Variants in ZNF98 observed in about 807,000 individuals in gnomAD.
ZNF98 encodes zinc finger protein 739.
ZNF98 carries 8 observed loss-of-function variants against 12.8 expected under a neutral mutation model. The ratio of observed to expected loss-of-function variants is 0.63; its 90% CI spans 0.37 to 1.13. The LOEUF (loss-of-function observed/expected upper bound fraction) is 1.13. ZNF98 is among the 50% of genes most tolerant of loss of function. The pLI, the probability that ZNF98 is intolerant of heterozygous loss-of-function variation, is 0.01. For synonymous variants in ZNF98, 112 were observed against 223.5 expected (o/e 0.50, Z 4.45); for missense variants, 379 against 666.1 (o/e 0.57, Z 4.74).
intron 1 of ZNF98, among the ~76,000 whole-genome samples, chr19:22,407,176 C>A (rs1969529031): frequency 6.6e-6 from 1 of 151,766 alleles, no homozygotes; most frequent in South Asian, 2.1e-4. Context: ...GCTGTCTCAG[C>A]CTCTGGAGTA....
At chr19:22,397,131 C>A (rs200328712) in intron 3 of ZNF98, among the ~76,000 whole-genome samples, 2 of 148,718 alleles carry the variant, frequency 1.3e-5, no homozygotes, top group South Asian at 2.1e-4. Context: ...AAAAAAACAA[C>A]AAAAAAAAAC....
chr19:22,421,800 A>G (rs1185227427), intron 1 of ZNF98, among the ~76,000 whole-genome samples: 1 of 152,190 alleles, frequency 6.6e-6, no homozygotes, highest in Non-Finnish European at 1.5e-5. Context: ...AATAGGCGAA[A>G]AGAGGAACTA....
intron 1 of ZNF98, among the ~76,000 whole-genome samples, chr19:22,405,557 C>T (rs1969510224): frequency 6.6e-6 from 1 of 152,122 alleles, no homozygotes; most frequent in South Asian, 2.1e-4. Context: ...GCCGACAAAA[C>T]CATGCTTTTT....
chr19:22,407,577 T>TCA (rs1270015531), intron 1 of ZNF98, among the ~76,000 whole-genome samples: 8 of 151,332 alleles, frequency 5.3e-5, no homozygotes, highest in African/African-American at 1.9e-4. Flanking sequence ...CTGGGTGTGG[T>TCA]GGCTCACGCC....
chr19:22,397,209 T>TGTGTG (rs3084809), intron 3 of ZNF98, among the ~76,000 whole-genome samples: 10 of 133,492 alleles, frequency 7.5e-5, no homozygotes, highest in East Asian at 2.4e-4. Flanking sequence ...TGTGTGTGTG[T>TGTGTG]TTTTGTGTGT....
chr19:22,417,229 C>CAAA lies in ZNF98; in HGVS notation c.30+4963_30+4965dup, dbSNP rs57152900. Among the ~76,000 whole-genome samples the CAAA allele has an allele frequency of 9.9e-4, 45 of 45,454 alleles. 2 individuals carry two copies. The highest frequency in any genetic ancestry group is 4.5e-3 in the African/African-American group (42 of 9,424). The allele number at this position is 45,454 out of a possible 152,430, so 29.8% of individuals were successfully genotyped here. A position where few individuals can be genotyped will look rare whatever the true frequency, so the allele number is the denominator to read the frequency against. Reference sequence around the variant, plus strand: ...GGGCAATAAGAGCAAAACTCCATCTCAAAAAAAAAAAAAAAAAAAAAAAAA... The same window carrying CAAA: ...GGGCAATAAGAGCAAAACTCCATCTCAAAAAAAAAAAAAAAAAAAAAAAAAAAA... On this transcript the variant is annotated intron_variant, in intron 1 of 3. Coordinates refer to ENST00000357774, the MANE Select transcript of ZNF98 (RefSeq NM_001098626.2).
intron 1 of ZNF98, among the ~76,000 whole-genome samples, chr19:22,413,600 G>T (rs1449055309): frequency 2.6e-5 from 4 of 152,234 alleles, no homozygotes; most frequent in African/African-American, 7.2e-5. Flanking sequence ...GCCAGGTGCG[G>T]TGGCTCACAC....
chr19:22,411,708 T>A (rs1969582691), intron 1 of ZNF98, among the ~76,000 whole-genome samples: 1 of 152,220 alleles, frequency 6.6e-6, no homozygotes, highest in Admixed American at 6.5e-5. Flanking sequence ...TCTAAATGCG[T>A]TAATAAAACA....
Position 22,391,251 on chromosome 19 carries a change from A to C in ZNF98, c.*265T>G. 1.7e-6 allele frequency: 1 copy of C among 575,390 alleles called. No individual in the cohort carries two copies. Among genetic ancestry groups the C allele is most frequent in the South Asian group, 3.0e-5 (1 of 33,328 alleles). 35.6% of individuals were successfully genotyped at this position (575,390 alleles called of 1,614,324 possible). A position where few individuals can be genotyped will look rare whatever the true frequency, so the allele number is the denominator to read the frequency against. Reference sequence around the variant, plus strand: ...TGCTTATATTTTCTGAACTCTTTTGACAGTAATTGCACCTTTAATGCTATT... The same window carrying C: ...TGCTTATATTTTCTGAACTCTTTTGCCAGTAATTGCACCTTTAATGCTATT... On this transcript the variant is annotated 3_prime_UTR_variant, in exon 4 of 4. Coordinates refer to ENST00000357774, the MANE Select transcript of ZNF98 (RefSeq NM_001098626.2).
intron 1 of ZNF98, among the ~76,000 whole-genome samples, chr19:22,416,315 A>G (rs1011799095): frequency 6.6e-6 from 1 of 151,618 alleles, no homozygotes; most frequent in African/African-American, 2.4e-5. Flanking sequence ...CGAAAAATAC[A>G]AAAAATTAGC....
At chr19:22,407,342 C>A (rs1364695533) in intron 1 of ZNF98, among the ~76,000 whole-genome samples, 2 of 149,124 alleles carry the variant, frequency 1.3e-5, no homozygotes, top group African/African-American at 4.9e-5. Context: ...CAGGCGTGAG[C>A]CACTGTGCCC....
chr19:22,393,032 T>G (rs1335456325), intron 3 of ZNF98, 51 bp from the exon 4 acceptor site: 41 of 1,421,556 alleles, frequency 2.9e-5, no homozygotes, highest in Non-Finnish European at 3.7e-5. Context: ...CTCAGATGAA[T>G]GTACTTTACA....
chr19:22,400,377 CATCCTAAT>C (rs1212283352), intron 3 of ZNF98, among the ~76,000 whole-genome samples: 1 of 152,172 alleles, frequency 6.6e-6, no homozygotes, highest in Non-Finnish European at 1.5e-5. Flanking sequence ...AACTCATCTA[CATCCTAAT>C]ATAAAGCCTA....
chr19:22,415,997 A>ACACACACT (rs1969638249), intron 1 of ZNF98, among the ~76,000 whole-genome samples: 1 of 145,958 alleles, frequency 6.9e-6, no homozygotes, highest in South Asian at 2.2e-4. Context: ...ACACACACTT[A>ACACACACT]GCTGGGCGTG....
chr19:22,391,792 C>A lies in ZNF98; in HGVS notation c.1443G>T (p.Lys481Asn), dbSNP rs763301832. 6.2e-7 allele frequency: 1 copy of A among 1,601,556 alleles called. No individual in the cohort carries two copies. Among genetic ancestry groups the A allele is most frequent in the Non-Finnish European group, 8.5e-7 (1 of 1,173,912 alleles). The change falls in exon 4 of 4, where the codon AAG (lysine) becomes AAT (asparagine). Residue 481 changes from lysine (K) to asparagine (N), a missense_variant. Physicochemically the swap from Lys to Asn is moderately conservative, Grantham distance 94. Around this residue, in one of 8 missense-constraint regions of ZNF98, gnomAD observed 15 missense variants for 28.7 expected, o/e 0.52. Transcript: ENST00000357774. ...FNQSSTLSKH[K>N]VIHTGEKPYK... ...AGGGCTTCTCTCCAGTATGAATTAC[C>A]TTATGTTTAGAAAGAGTTGAGGACT...
At chr19:22,397,431 C>A (rs567287595) in intron 3 of ZNF98, among the ~76,000 whole-genome samples, 1 of 152,122 alleles carries the variant, frequency 6.6e-6, no homozygotes, top group African/African-American at 2.4e-5. Context: ...ATAGAAAACA[C>A]CCCTCAACAC....
intron 1 of ZNF98, among the ~76,000 whole-genome samples, chr19:22,411,852 G>T (rs1349434318): frequency 2.0e-5 from 3 of 152,180 alleles, no homozygotes; most frequent in Non-Finnish European, 4.4e-5. Context: ...TTGTGAACTT[G>T]AAAGAATGTT....
intron 1 of ZNF98, among the ~76,000 whole-genome samples, chr19:22,418,864 G>T (rs966287447): frequency 6.6e-6 from 1 of 152,166 alleles, no homozygotes; most frequent in African/African-American, 2.4e-5. Flanking sequence ...GGGTGACAGA[G>T]CAAGACTCTG....
At chr19:22,395,528 G>T (rs1165049602) in intron 3 of ZNF98, among the ~76,000 whole-genome samples, 12 of 151,652 alleles carry the variant, frequency 7.9e-5, no homozygotes, top group Non-Finnish European at 2.9e-5. Flanking sequence ...CAGGAACACA[G>T]TCCACTGTAG....
Sources: allele counts gnomAD v4.1 joint callset (sites outside exome capture counted in the v4.1 genomes callset), GRCh38; gene constraint gnomAD v4.1.1; regional missense constraint gnomAD v4.1.1; transcripts MANE v1.5; gene names NCBI Gene and HGNC (gene_info 2026-07-23, HGNC 2026-07-21).